KCND2: variants seen among roughly 807,000 people sequenced by gnomAD.
The protein encoded by KCND2 is A-type voltage-gated potassium channel KCND2.
KCND2 carries 16 observed loss-of-function variants against 54.4 expected under a neutral mutation model. The ratio of observed to expected loss-of-function variants is 0.29; its 90% confidence interval spans 0.20 to 0.45. The LOEUF (loss-of-function observed/expected upper bound fraction) is 0.45, where lower values mean the gene tolerates loss of function less well. KCND2 is among the 20% of genes least tolerant of loss of function. KCND2 has a pLI of 1.00. For synonymous variants in KCND2, 317 were observed against 310.7 expected (o/e 1.02, Z -0.21); for missense variants, 486 against 824.2 (o/e 0.59, Z 5.02).
chr7:120,290,675 T>C (rs1799421506), intron 1 of KCND2, among the ~76,000 whole-genome samples: 1 of 152,020 alleles, frequency 6.6e-6, no homozygotes, highest in South Asian at 2.1e-4. Flanking sequence ...ACATAGAATA[T>C]TGTCTAGCTG....
chr7:120,501,705 C>T (rs963722100), intron 1 of KCND2, among the ~76,000 whole-genome samples: 7 of 152,058 alleles, frequency 4.6e-5, no homozygotes, highest in East Asian at 1.9e-4. Flanking sequence ...GACACACAAA[C>T]GTAAGAAACT....
chr7:120,343,658 A>G (rs1009361310), intron 1 of KCND2, among the ~76,000 whole-genome samples: 4 of 152,314 alleles, frequency 2.6e-5, no homozygotes, highest in East Asian at 3.9e-4. Flanking sequence ...TTTGGAAACT[A>G]TCTTTTCAGT....
rs66518858 is a variant in KCND2 at position 120,437,204 on chromosome 7, C to CTTTTTTTTT, written c.1115+161465_1115+161473dup. Among the ~76,000 whole-genome samples, 450 of 130,292 alleles carry CTTTTTTTTT rather than the reference C, an allele frequency of 3.5e-3. 9 individuals are homozygous for CTTTTTTTTT. Among genetic ancestry groups the CTTTTTTTTT allele is most frequent in the Admixed American group, 0.011 (129 of 12,256 alleles). 85.5% of individuals were successfully genotyped at this position (130,292 alleles called of 152,430 possible). A position where few individuals can be genotyped will look rare whatever the true frequency, so the allele number is the denominator to read the frequency against. ...ACTACTGGAGACAATCAATATACAACTTTTTTTTTTTTTTTTCAGTCAGAA... is the reference window on the plus strand; with the variant it reads ...ACTACTGGAGACAATCAATATACAACTTTTTTTTTTTTTTTTTTTTTTTTTCAGTCAGAA... On this transcript the variant is annotated intron_variant, in intron 1 of 5. Transcript: ENST00000331113.
intron 1 of KCND2, among the ~76,000 whole-genome samples, chr7:120,536,700 C>T (rs1306115070): frequency 6.6e-6 from 1 of 152,096 alleles, no homozygotes; most frequent in Non-Finnish European, 1.5e-5. Context: ...TGCCATCCTT[C>T]GATCACAGGA....
At chr7:120,652,068 CTATCTT>C (rs1791741687) in intron 1 of KCND2, among the ~76,000 whole-genome samples, 3 of 150,174 alleles carry the variant, frequency 2.0e-5, no homozygotes, top group Non-Finnish European at 4.4e-5. Flanking sequence ...CAGTCTATCT[CTATCTT>C]TTTTTTTCCT....
chr7:120,458,943 C>A (rs1802241151), intron 1 of KCND2, among the ~76,000 whole-genome samples: 1 of 151,082 alleles, frequency 6.6e-6, no homozygotes, highest in Non-Finnish European at 1.5e-5. Flanking sequence ...CATATAATTT[C>A]TAGGAAACAT....
chr7:120,620,619 C>T (rs1382219096), intron 1 of KCND2, among the ~76,000 whole-genome samples: 1 of 152,106 alleles, frequency 6.6e-6, no homozygotes, highest in African/African-American at 2.4e-5. Context: ...AAGAATTAAG[C>T]TAATTCTCTC....
At chr7:120,495,823 T>C (rs2116308598) in intron 1 of KCND2, among the ~76,000 whole-genome samples, 1 of 152,266 alleles carries the variant, frequency 6.6e-6, no homozygotes, top group East Asian at 1.9e-4. Context: ...AGTAATTCTG[T>C]CTTTAATGCA....
intron 1 of KCND2, among the ~76,000 whole-genome samples, chr7:120,392,921 A>G (rs1015976904): frequency 2.6e-5 from 4 of 152,054 alleles, no homozygotes; most frequent in African/African-American, 9.7e-5. Context: ...AGAGTCTAGC[A>G]TTAAGAATAT....
intron 1 of KCND2, among the ~76,000 whole-genome samples, chr7:120,469,457 T>A (rs1468122803): frequency 6.6e-6 from 1 of 151,968 alleles, no homozygotes; most frequent in Non-Finnish European, 1.5e-5. Context: ...CATTCTTAGC[T>A]CCCCAGTGCC....
chr7:120,303,523 A>G (rs1364984534), intron 1 of KCND2, among the ~76,000 whole-genome samples: 1 of 152,200 alleles, frequency 6.6e-6, no homozygotes, highest in Non-Finnish European at 1.5e-5. Context: ...CCAAAGTAAT[A>G]TTTAGAAAAT....
chr7:120,376,838 A>G (rs767158579), intron 1 of KCND2, among the ~76,000 whole-genome samples: 2 of 151,964 alleles, frequency 1.3e-5, no homozygotes, highest in Non-Finnish European at 2.9e-5. Flanking sequence ...TGTGTTCTTT[A>G]AAGCATTCAC....
chr7:120,418,475 AG>A (rs1292659727), intron 1 of KCND2, among the ~76,000 whole-genome samples: 1 of 128,672 alleles, frequency 7.8e-6, no homozygotes, highest in African/African-American at 4.0e-5. Flanking sequence ...TGGACCTAAG[AG>A]GCCATCTGCT....
chr7:120,515,788 G>A (rs1421391098), intron 1 of KCND2, among the ~76,000 whole-genome samples: 1 of 152,118 alleles, frequency 6.6e-6, no homozygotes, highest in African/African-American at 2.4e-5. Flanking sequence ...GTTGATAGGA[G>A]CAGGAAGCCA....
chr7:120,378,439 T>C (rs187584472), intron 1 of KCND2, among the ~76,000 whole-genome samples: 1 of 152,112 alleles, frequency 6.6e-6, no homozygotes. Context: ...GAAGTTTTTT[T>C]TCCATGAAAT....
At chr7:120,738,028 C>T (rs1792896031) in intron 2 of KCND2, among the ~76,000 whole-genome samples, 1 of 152,010 alleles carries the variant, frequency 6.6e-6, no homozygotes, top group African/African-American at 2.4e-5. Context: ...CTTCCACCCT[C>T]TGTTCCACAA....
intron 1 of KCND2, among the ~76,000 whole-genome samples, chr7:120,518,354 G>A (rs1382771155): frequency 2.0e-5 from 3 of 152,042 alleles, no homozygotes; most frequent in South Asian, 2.1e-4. Flanking sequence ...AGACATTGTG[G>A]TAAATATTCA....
At chr7:120,402,624 G>A (rs1395002843) in intron 1 of KCND2, among the ~76,000 whole-genome samples, 1 of 152,120 alleles carries the variant, frequency 6.6e-6, no homozygotes, top group African/African-American at 2.4e-5. Flanking sequence ...GTACCTGAGA[G>A]TGAAATTTTT....
chr7:120,539,228 A>G (rs1031807261), intron 1 of KCND2, among the ~76,000 whole-genome samples: 1 of 152,180 alleles, frequency 6.6e-6, no homozygotes, highest in Non-Finnish European at 1.5e-5. Context: ...CTCATGAACA[A>G]TTAAATCCTA....
Sources: gnomAD v4.1 joint callset for allele counts (sites outside exome capture counted in the v4.1 genomes callset) on GRCh38, gnomAD v4.1.1 for gene constraint, MANE v1.5 for transcripts, NCBI Gene and HGNC (gene_info 2026-07-23, HGNC 2026-07-21) for gene names.